TRPC4: variants seen among roughly 807,000 people sequenced by gnomAD.
TRPC4 encodes the protein transient receptor potential cation channel subfamily C member 4.
In TRPC4, 49 loss-of-function variants were observed where a neutral mutation model predicts 99.4. The observed-to-expected ratio is 0.49, with a 90% CI of 0.39 to 0.63. The LOEUF (loss-of-function observed/expected upper bound fraction) is 0.63. Among genes scored for constraint, TRPC4 ranks in the 20% least tolerant of loss-of-function variants. TRPC4 has a pLI of 0.00. For missense variants in TRPC4, 898 were observed against 1,152.9 expected (o/e 0.78, Z 3.20); for synonymous variants, 454 against 425.9 (o/e 1.07, Z -0.81).
intron 1 of TRPC4, among the ~76,000 whole-genome samples, chr13:37,820,048 G>C (rs1157626392): frequency 1.3e-5 from 2 of 151,678 alleles, no homozygotes; most frequent in Non-Finnish European, 2.9e-5. Context: ...TAGACTACTA[G>C]CTAGACAAAG....
chr13:37,784,985 G>C (rs1956933519), intron 1 of TRPC4, among the ~76,000 whole-genome samples: 1 of 152,030 alleles, frequency 6.6e-6, no homozygotes. Context: ...AGCAAAAAGT[G>C]AGTGTTCAAT....
intron 1 of TRPC4, among the ~76,000 whole-genome samples, chr13:37,807,955 A>G (rs940766101): frequency 6.6e-6 from 1 of 152,066 alleles, no homozygotes; most frequent in African/African-American, 2.4e-5. Context: ...GTCATAGGAG[A>G]TGTCAGACAT....
At chr13:37,835,026 G>A (rs998253231) in intron 1 of TRPC4, among the ~76,000 whole-genome samples, 8 of 150,138 alleles carry the variant, frequency 5.3e-5, no homozygotes, top group African/African-American at 2.0e-4. Flanking sequence ...TGAACCACCA[G>A]CAGGCCCAGC....
chr13:37,774,052 A>G (rs763538446), intron 2 of TRPC4, among the ~76,000 whole-genome samples: 1 of 151,740 alleles, frequency 6.6e-6, no homozygotes, highest in Non-Finnish European at 1.5e-5. Flanking sequence ...TAGTGATTAA[A>G]CTTATATCTC....
chr13:37,715,817 A>G (rs186293491), intron 3 of TRPC4, among the ~76,000 whole-genome samples: 5 of 152,324 alleles, frequency 3.3e-5, no homozygotes, highest in Admixed American at 3.3e-4. Context: ...CATTATCCAG[A>G]ATTGGCCTAT....
intron 1 of TRPC4, among the ~76,000 whole-genome samples, chr13:37,821,793 C>G (rs1040112577): frequency 2.0e-5 from 3 of 152,036 alleles, no homozygotes; most frequent in Non-Finnish European, 2.9e-5. Flanking sequence ...TTTCCTTACA[C>G]AATATACAAA....
chr13:37,789,194 C>T (rs1957047985), intron 1 of TRPC4, among the ~76,000 whole-genome samples: 1 of 152,116 alleles, frequency 6.6e-6, no homozygotes, highest in African/African-American at 2.4e-5. Flanking sequence ...ATCTGGCTTC[C>T]AAGACTGTCC....
intron 1 of TRPC4, among the ~76,000 whole-genome samples, chr13:37,841,314 G>GATT (rs1958724544): frequency 6.6e-6 from 1 of 151,834 alleles, no homozygotes; most frequent in South Asian, 2.1e-4. Flanking sequence ...GCAAAAACCT[G>GATT]ATTTTCTTTC....
intron 3 of TRPC4, among the ~76,000 whole-genome samples, chr13:37,730,213 T>C (rs1425099307): frequency 6.6e-6 from 1 of 152,050 alleles, no homozygotes; most frequent in Non-Finnish European, 1.5e-5. Flanking sequence ...CACATTAGTA[T>C]ATTTTTACCT....
intron 1 of TRPC4, among the ~76,000 whole-genome samples, chr13:37,867,150 T>C (rs1397752958): frequency 6.6e-6 from 1 of 151,966 alleles, no homozygotes; most frequent in Non-Finnish European, 1.5e-5. Flanking sequence ...CAATCATATT[T>C]TCATAAAATA....
intron 3 of TRPC4, among the ~76,000 whole-genome samples, chr13:37,739,789 C>A (rs1445362205): frequency 1.3e-5 from 2 of 151,988 alleles, no homozygotes; most frequent in Non-Finnish European, 2.9e-5. Flanking sequence ...CAGGTGTGAG[C>A]CACTGCAGCT....
intron 1 of TRPC4, among the ~76,000 whole-genome samples, chr13:37,800,026 T>C (rs909421732): frequency 6.6e-6 from 1 of 152,212 alleles, no homozygotes; most frequent in African/African-American, 2.4e-5. Flanking sequence ...GTGGCTAATA[T>C]ATAGGTATTC....
At position 37,768,054 on chromosome 13, in the gene TRPC4, T is replaced by C. The variant is rs944103791; in HGVS notation, c.378+14902A>G. Among the ~76,000 whole-genome samples the C allele has an allele frequency of 3.3e-5, 5 of 151,528 alleles. No individual in the cohort carries two copies. In the South Asian group the frequency reaches 1.0e-3, roughly 31 times the overall value. On this transcript the variant is annotated intron_variant, in intron 2 of 10. Coordinates refer to ENST00000379705, the MANE Select transcript of TRPC4 (RefSeq NM_016179.4). ...TTATTATTTTAGATATAAGTAATCA[T>C]AGGAGGGAACAAACTAAAGTGAGAA...
chr13:37,724,025 G>C (rs1357437777), intron 3 of TRPC4, among the ~76,000 whole-genome samples: 1 of 151,834 alleles, frequency 6.6e-6, no homozygotes, highest in African/African-American at 2.4e-5. Flanking sequence ...AGGAAAAATT[G>C]GGAAAACTTA....
At position 37,825,000 on chromosome 13, in the gene TRPC4, G is replaced by A. The variant is rs1958157154; in HGVS notation, c.-27-41640C>T. On this transcript the variant is annotated intron_variant, in intron 1 of 10. Transcript: ENST00000379705. ...TCAACTTCTTCCTGGTTTAGTCTTG[G>A]GAGAGTGTATGTGTCGGGGAATTTA... 2.0e-5 allele frequency among the ~76,000 whole-genome samples: 3 copies of A among 152,014 alleles called. No individual in the cohort carries two copies. The South Asian group carries it at 6.2e-4, about 32-fold the overall frequency.
chr13:37,687,554 C>A (rs1182111003), intron 4 of TRPC4, among the ~76,000 whole-genome samples: 1 of 152,100 alleles, frequency 6.6e-6, no homozygotes, highest in Admixed American at 6.6e-5. Flanking sequence ...AAAACTCTTG[C>A]CATAATTTTG....
At chr13:37,801,705 C>CT (rs1957406397) in intron 1 of TRPC4, among the ~76,000 whole-genome samples, 1 of 151,946 alleles carries the variant, frequency 6.6e-6, no homozygotes, top group Admixed American at 6.6e-5. Context: ...TGAAATGTTC[C>CT]TATTTTCAGG....
chr13:37,746,540 G>T (rs539728590), intron 2 of TRPC4, 85 bp from the exon 3 acceptor site: 19 of 1,434,948 alleles, frequency 1.3e-5, no homozygotes, highest in Non-Finnish European at 1.8e-5. Context: ...TAGCAATATG[G>T]AACAGGGTTT....
chr13:37,724,005 C>A (rs545038722), intron 3 of TRPC4, among the ~76,000 whole-genome samples: 4 of 152,170 alleles, frequency 2.6e-5, no homozygotes, highest in Middle Eastern at 3.4e-3. Flanking sequence ...ACTGAAGCCT[C>A]ATTTATGATA....
Sources: gnomAD v4.1 joint callset for allele counts (sites outside exome capture counted in the v4.1 genomes callset) on GRCh38, gnomAD v4.1.1 for gene constraint, MANE v1.5 for transcripts, NCBI Gene and HGNC (gene_info 2026-07-23, HGNC 2026-07-21) for gene names.